Variants in FAM53B observed in about 807,000 individuals in gnomAD.
FAM53B encodes family with sequence similarity 53 member B, also known as protein FAM53B.
Under a neutral mutation model 32.7 loss-of-function variants are expected in FAM53B, and 12 were observed. That is an observed-to-expected ratio of 0.37 (90% CI 0.24 to 0.59). The LOEUF (loss-of-function observed/expected upper bound fraction) is 0.59, where lower values mean the gene tolerates loss of function less well. FAM53B is among the 20% of genes least tolerant of loss of function. The pLI is 0.72. For missense variants in FAM53B, 477 were observed against 577.7 expected (o/e 0.83, Z 1.79); for synonymous variants, 234 against 228.7 (o/e 1.02, Z -0.21).
intron 2 of FAM53B, chr10:124,703,988 T>G (rs1334688964): frequency 6.6e-6 from 1 of 152,426 alleles, no homozygotes; most frequent in East Asian, 1.9e-4. Context: ...CAGCTGACCT[T>G]GGGCCCACAT....
chr10:124,637,690 G>T (rs189636555), intron 4 of FAM53B, among the ~76,000 whole-genome samples: 1 of 152,176 alleles, frequency 6.6e-6, no homozygotes, highest in African/African-American at 2.4e-5. Flanking sequence ...CTAAAGGCCC[G>T]GTATCTCCAG....
chr10:124,740,887 G>A (rs967759550), intron 1 of FAM53B, among the ~76,000 whole-genome samples: 13 of 152,184 alleles, frequency 8.5e-5, no homozygotes, highest in South Asian at 8.3e-4. Flanking sequence ...GCTAAGCTTC[G>A]CTGAGCCCCG....
chr10:124,718,573 C>T (rs1047248954), intron 1 of FAM53B, among the ~76,000 whole-genome samples: 1 of 152,248 alleles, frequency 6.6e-6, no homozygotes, highest in Non-Finnish European at 1.5e-5. Flanking sequence ...ATCTACCTGA[C>T]TCCTACTGCA....
intron 1 of FAM53B, among the ~76,000 whole-genome samples, chr10:124,740,849 G>A (rs912705200): frequency 6.6e-6 from 1 of 152,216 alleles, no homozygotes. Context: ...GCAGCCGGAC[G>A]AGGCAAGGAG....
intron 4 of FAM53B, among the ~76,000 whole-genome samples, chr10:124,676,638 A>G (rs1394711240): frequency 6.6e-6 from 1 of 152,136 alleles, no homozygotes; most frequent in Non-Finnish European, 1.5e-5. Flanking sequence ...TCACCTGGGG[A>G]GGACCTGTCC....
chr10:124,659,029 A>G lies in FAM53B; in HGVS notation c.906+22578T>C, dbSNP rs1010355028. Among the ~76,000 whole-genome samples, 7 of 152,214 alleles carry G rather than the reference A, an allele frequency of 4.6e-5. No homozygotes were observed. The South Asian group carries it at 8.3e-4, about 18-fold the overall frequency. ...TCTGTGGTGGTAACCTGGCATGACA[A>G]TAACAGTAGCTGTGTCCCAGATACT... On this transcript the variant is annotated intron_variant, in intron 4 of 4. Transcript: ENST00000337318.
rs183196272 is a variant in FAM53B, at chr10:124,690,135, G to A, written c.133+6023C>T. Among the ~76,000 whole-genome samples, 8 of 152,352 alleles carry A rather than the reference G, an allele frequency of 5.3e-5. No homozygotes were observed. In the East Asian group the frequency reaches 5.8e-4, roughly 11 times the overall value. On this transcript the variant is annotated intron_variant, in intron 3 of 4. Coordinates refer to ENST00000337318, the MANE Select transcript of FAM53B (RefSeq NM_014661.4). ...CAAAGCGGGGCGCCATTAAACCGAC[G>A]AGGGAACTGGCGACAGGCAGAGCTT...
At chr10:124,658,419 C>G (rs1463503224) in intron 4 of FAM53B, among the ~76,000 whole-genome samples, 1 of 152,238 alleles carries the variant, frequency 6.6e-6, no homozygotes, top group African/African-American at 2.4e-5. Flanking sequence ...TTACATGTTA[C>G]TGGTGTTTCT....
intron 4 of FAM53B, among the ~76,000 whole-genome samples, chr10:124,626,403 AC>A (rs1949355806): frequency 1.9e-5 from 1 of 51,530 alleles, no homozygotes; most frequent in Non-Finnish European, 4.9e-5. Context: ...CCCCCCCCCC[AC>A]CATTCCTCAG....
Position 124,706,763 on chromosome 10 carries a change from C to A in FAM53B, c.-50G>T. ...CCATCCCAGGGTGGGTATCAGCCAT[C>A]TTCACTTGGGCAGACTTGGGGTGAG... On this transcript the variant is annotated 5_prime_UTR_variant, in exon 2 of 5. Coordinates refer to ENST00000337318, the MANE Select transcript of FAM53B (RefSeq NM_014661.4). 1 of 1,613,422 alleles carries A rather than the reference C, an allele frequency of 6.2e-7. No individual in the cohort carries two copies. The highest frequency in any genetic ancestry group is 8.5e-7 in the Non-Finnish European group (1 of 1,179,790).
At chr10:124,731,690 C>T (rs1469610155) in intron 1 of FAM53B, among the ~76,000 whole-genome samples, 2 of 151,970 alleles carry the variant, frequency 1.3e-5, no homozygotes, top group African/African-American at 4.8e-5. Flanking sequence ...CACTGGAACA[C>T]CTCTCACAAG....
chr10:124,730,772 G>A (rs1950137496), intron 1 of FAM53B, among the ~76,000 whole-genome samples: 1 of 152,198 alleles, frequency 6.6e-6, no homozygotes, highest in African/African-American at 2.4e-5. Flanking sequence ...AATTTAAATT[G>A]CCACATGAGG....
At chr10:124,637,171 T>G (rs2134042123) in intron 4 of FAM53B, among the ~76,000 whole-genome samples, 1 of 152,198 alleles carries the variant, frequency 6.6e-6, no homozygotes, top group South Asian at 2.1e-4. Flanking sequence ...GATGCACCTC[T>G]GGGGACCTCC....
intron 1 of FAM53B, among the ~76,000 whole-genome samples, chr10:124,738,952 G>A (rs896441469): frequency 6.6e-6 from 1 of 151,578 alleles, no homozygotes; most frequent in South Asian, 2.1e-4. Flanking sequence ...TGCCTTTTCT[G>A]AGATTGAAGC....
chr10:124,714,354 T>C (rs907804539), intron 1 of FAM53B: 2 of 152,092 alleles, frequency 1.3e-5, no homozygotes, highest in Non-Finnish European at 2.9e-5. Context: ...TTCTATACTA[T>C]AGTGAACATT....
chr10:124,626,332 GCCA>G (rs1220519594), intron 4 of FAM53B, among the ~76,000 whole-genome samples: 168 of 150,894 alleles, frequency 1.1e-3, no homozygotes, highest in African/African-American at 4.0e-3. Flanking sequence ...CTAACTTATG[GCCA>G]CCATGATTGT....
intron 1 of FAM53B, among the ~76,000 whole-genome samples, chr10:124,741,324 G>T (rs1950198134): frequency 6.6e-6 from 1 of 152,132 alleles, no homozygotes; most frequent in Admixed American, 6.5e-5. Flanking sequence ...CATACAATGC[G>T]CAATTTAACT....
intron 2 of FAM53B, among the ~76,000 whole-genome samples, chr10:124,697,594 C>A (rs1174590956): frequency 1.3e-5 from 2 of 152,110 alleles, no homozygotes; most frequent in African/African-American, 2.4e-5. Context: ...AAGGAGGGCT[C>A]ACTCTTCATG....
At chr10:124,694,934 G>A (rs1029453101) in intron 3 of FAM53B, among the ~76,000 whole-genome samples, 4 of 152,138 alleles carry the variant, frequency 2.6e-5, no homozygotes, top group Admixed American at 6.6e-5. Flanking sequence ...GTCCAACTCC[G>A]CTTACTGAGG....
Sources: allele counts gnomAD v4.1 joint callset (sites outside exome capture counted in the v4.1 genomes callset), GRCh38; gene constraint gnomAD v4.1.1; transcripts MANE v1.5; gene names NCBI Gene and HGNC (gene_info 2026-07-23, HGNC 2026-07-21).